The following SORL1 variants were observed in gnomAD, a reference collection of about 807,000 sequenced individuals.
SORL1 encodes the protein sortilin-related receptor.
A neutral mutation model predicts 273.7 loss-of-function variants in SORL1; 127 were observed. The observed-to-expected ratio is 0.46, with a 90% CI of 0.40 to 0.54. The LOEUF is 0.54. SORL1 is among the 20% of genes least tolerant of loss of function. The probability of loss-of-function intolerance (pLI) is 0.00; values close to 1 mark genes in which losing one functional copy is unlikely to be tolerated. For synonymous variants in SORL1, 1,031 were observed against 1,067.4 expected (o/e 0.97, Z 0.66); for missense variants, 2,494 against 2,846.1 (o/e 0.88, Z 2.81).
At chr11:121,500,851 T>C (rs1861698732) in intron 6 of SORL1, among the ~76,000 whole-genome samples, 1 of 152,206 alleles carries the variant, frequency 6.6e-6, no homozygotes, top group Non-Finnish European at 1.5e-5. Flanking sequence ...CACACCAGTC[T>C]CCCAAGTGAG....
At chr11:121,496,840 A>G in intron 5 of SORL1, 29 bp from the exon 6 acceptor site, 1 of 1,572,150 alleles carries the variant, frequency 6.4e-7, no homozygotes, top group Non-Finnish European at 8.6e-7. Context: ...TGTGCAAATG[A>G]TAACAACCTT....
At chr11:121,561,017 CT>C (rs1862664277) in intron 21 of SORL1, among the ~76,000 whole-genome samples, 1 of 152,194 alleles carries the variant, frequency 6.6e-6, no homozygotes, top group African/African-American at 2.4e-5. Flanking sequence ...TGACTGAAAT[CT>C]TCAGACCTTT....
intron 27 of SORL1, 49 bp from the exon 28 acceptor site, chr11:121,587,971 A>G (rs745749370): frequency 1.2e-6 from 2 of 1,606,044 alleles, no homozygotes; most frequent in South Asian, 1.1e-5. Context: ...TAGAGGGCCC[A>G]GCCAGCCGCA....
At position 121,619,920 on chromosome 11, in the gene SORL1, G is replaced by T. The variant is rs750900420; in HGVS notation, c.5889+3G>T. 2 of 1,612,612 alleles carry T rather than the reference G, an allele frequency of 1.2e-6. No individual in the cohort carries two copies. Among genetic ancestry groups the T allele is most frequent in the African/African-American group, 1.3e-5 (1 of 74,898 alleles). ...ATGACTCTCCTGACCAGGACTTGGT[G>T]AGTGGGTTGGGCTTCCAGGCCTCTT... On this transcript the variant is annotated splice_donor_region_variant and intron_variant, in intron 43 of 47. Transcript: ENST00000260197.
chr11:121,523,401 A>G (rs960094561), intron 11 of SORL1, among the ~76,000 whole-genome samples: 2 of 152,020 alleles, frequency 1.3e-5, no homozygotes, highest in Non-Finnish European at 2.9e-5. Flanking sequence ...TTTGTATATT[A>G]TTGAAGTTGA....
chr11:121,547,110 T>A (rs1862438260), intron 14 of SORL1: 1 of 152,138 alleles, frequency 6.6e-6, no homozygotes, highest in African/African-American at 2.4e-5. Context: ...GCTGTTTGCC[T>A]TCTGCTCTTT....
chr11:121,516,586 G>T (rs1861956302), intron 8 of SORL1, among the ~76,000 whole-genome samples: 1 of 152,136 alleles, frequency 6.6e-6, no homozygotes, highest in Non-Finnish European at 1.5e-5. Flanking sequence ...CTCTTTTGGA[G>T]GTGCTGTCAT....
At chr11:121,536,190 G>A (rs900982008) in intron 12 of SORL1, among the ~76,000 whole-genome samples, 13 of 152,028 alleles carry the variant, frequency 8.6e-5, no homozygotes, top group African/African-American at 3.1e-4. Context: ...GCTTCTCTCT[G>A]GAAATCCTGA....
At position 121,586,249 on chromosome 11, in the gene SORL1, C is replaced by T. The variant is rs1340319221; in HGVS notation, c.3734C>T (p.Pro1245Leu). ...CEKKCNGFRC[P>L]NGTCIPSSKH... Reference sequence around the variant, plus strand: ...AAGAAGTGCAATGGATTCCGCTGCCCAAACGGCACTTGCATCCCATCCAGC... The same window carrying T: ...AAGAAGTGCAATGGATTCCGCTGCCTAAACGGCACTTGCATCCCATCCAGC... Residue 1245 changes from proline (P) to leucine (L), a missense_variant, in exon 27 of 48, where the codon CCA becomes CTA. Transcript: ENST00000260197. The T allele has an allele frequency of 8.7e-6, 14 of 1,613,694 alleles. No homozygotes were observed. Among genetic ancestry groups the T allele is most frequent in the Non-Finnish European group, 1.0e-5 (12 of 1,179,744 alleles).
intron 6 of SORL1, among the ~76,000 whole-genome samples, chr11:121,509,666 G>A (rs1231540603): frequency 1.3e-5 from 2 of 151,958 alleles, no homozygotes; most frequent in Non-Finnish European, 2.9e-5. Context: ...TAGTAGAGAC[G>A]GGGTTTCACC....
At chr11:121,542,068 AT>A (rs1862356780) in intron 12 of SORL1, among the ~76,000 whole-genome samples, 1 of 152,224 alleles carries the variant, frequency 6.6e-6, no homozygotes, top group South Asian at 2.1e-4. Context: ...TCATTGGTCT[AT>A]TTATCTATCC....
Position 121,589,297 on chromosome 11 carries a change from G to A in SORL1, c.3985G>A (p.Gly1329Ser), listed in dbSNP as rs754896968. Residue 1329 changes from glycine (G) to serine (S), a missense_variant, in exon 29 of 48, where the codon GGT becomes AGT. Coordinates refer to ENST00000260197, the MANE Select transcript of SORL1 (RefSeq NM_003105.6). Reference sequence around the variant, plus strand: ...GTTCCACAAGGTATGTGATGAGTTCGGTTTCCAGTGTCAGAATGGAGTGTG... The same window carrying A: ...GTTCCACAAGGTATGTGATGAGTTCAGTTTCCAGTGTCAGAATGGAGTGTG... Reference protein sequence around the residue: ...PEFHKVCDEFGFQCQNGVCIS... With the variant: ...PEFHKVCDEFSFQCQNGVCIS... 2.0e-5 allele frequency: 33 copies of A among 1,613,566 alleles called. No individual in the cohort carries two copies. The highest frequency in any genetic ancestry group is 1.6e-4 in the Middle Eastern group (1 of 6,082).
chr11:121,569,510 G>A (rs924537917), intron 22 of SORL1, among the ~76,000 whole-genome samples: 23 of 152,186 alleles, frequency 1.5e-4, no homozygotes, highest in Non-Finnish European at 2.4e-4. Flanking sequence ...TAAAATGGCC[G>A]CTTCGAGGGG....
intron 6 of SORL1, among the ~76,000 whole-genome samples, chr11:121,507,310 G>GT (rs929656625): frequency 1.3e-5 from 2 of 152,016 alleles, no homozygotes; most frequent in African/African-American, 2.4e-5. Context: ...CTGGATTTAT[G>GT]TTTTTTATCA....
rs947597172 is a variant in SORL1, at chr11:121,633,378, A to G, written c.*3815A>G. On this transcript the variant is annotated 3_prime_UTR_variant, in exon 48 of 48. Coordinates refer to ENST00000260197, the MANE Select transcript of SORL1 (RefSeq NM_003105.6). ...ATGCTGGAGTGGACCATTATCCTCA[A>G]ATATTCTATGTCACTTCTCATTTAA... The G allele has an allele frequency of 1.3e-5, 2 of 152,188 alleles. No individual in the cohort carries two copies. The highest frequency in any genetic ancestry group is 4.8e-5 in the African/African-American group (2 of 41,440). The allele number at this position is 152,188 out of a possible 1,614,324, so 9.4% of individuals were successfully genotyped here.
intron 25 of SORL1, among the ~76,000 whole-genome samples, chr11:121,579,800 G>A (rs1292510778): frequency 6.6e-6 from 1 of 152,228 alleles, no homozygotes; most frequent in East Asian, 1.9e-4. Flanking sequence ...CTACCTCTGT[G>A]TCTTGTTGCT....
Position 121,554,726 on chromosome 11 carries a change from G to T in SORL1, c.2440-461G>T, listed in dbSNP as rs980080988. Among the ~76,000 whole-genome samples the T allele has an allele frequency of 2.6e-5, 4 of 152,194 alleles. No homozygotes were observed. The highest frequency in any genetic ancestry group is 1.3e-4 in the Admixed American group (2 of 15,286). ...CCTGGGTATTTGAGGGGCTTGGGGTGGGGGATGGCGGTGATGCTGAATGGA... is the reference window on the plus strand; with the variant it reads ...CCTGGGTATTTGAGGGGCTTGGGGTTGGGGATGGCGGTGATGCTGAATGGA... On this transcript the variant is annotated intron_variant, in intron 17 of 47. Coordinates refer to ENST00000260197, the MANE Select transcript of SORL1 (RefSeq NM_003105.6). This position sits in a 1 kb window ranked among gnomAD's most constrained non-coding sequence, Gnocchi z 4.6.
intron 11 of SORL1, among the ~76,000 whole-genome samples, chr11:121,526,631 T>C (rs1157749932): frequency 5.3e-5 from 8 of 152,292 alleles, no homozygotes; most frequent in Middle Eastern, 3.4e-3. Flanking sequence ...TTTCTCTCAG[T>C]ACTTTGTAGT....
chr11:121,622,049 CT>C (rs1863730841), intron 44 of SORL1, 112 bp from the exon 45 acceptor site: 1 of 644,980 alleles, frequency 1.6e-6, no homozygotes, highest in African/African-American at 1.8e-5. Context: ...TTTATTTTTT[CT>C]GTAACCCAGC....
Sources: allele counts gnomAD v4.1 joint callset (sites outside exome capture counted in the v4.1 genomes callset), GRCh38; gene constraint gnomAD v4.1.1; non-coding constraint Gnocchi (gnomAD v3.1); transcripts MANE v1.5; gene names NCBI Gene and HGNC (gene_info 2026-07-23, HGNC 2026-07-21).